Variants in CNTNAP2 observed in about 807,000 individuals in gnomAD.
CNTNAP2 encodes contactin-associated protein-like 2.
A neutral mutation model predicts 155.2 loss-of-function variants in CNTNAP2; 98 were observed. That is an observed-to-expected ratio of 0.63 (90% confidence interval 0.54 to 0.75). CNTNAP2 has a LOEUF of 0.75. CNTNAP2 is among the 30% of genes least tolerant of loss of function. The pLI, the probability that CNTNAP2 is intolerant of heterozygous loss-of-function variation, is 0.00. For missense variants in CNTNAP2, 1,727 were observed against 1,688.1 expected, an observed-to-expected ratio of 1.02 and a Z score of -0.40; for synonymous variants, 651 against 631.2, an observed-to-expected ratio of 1.03 and a Z score of -0.47.
chr7:146,560,639 A>G (rs2129144309), intron 1 of CNTNAP2, among the ~76,000 whole-genome samples: 1 of 152,284 alleles, frequency 6.6e-6, no homozygotes, highest in South Asian at 2.1e-4. Context: ...GAAAGAGATG[A>G]TACTTTTGTG....
chr7:146,480,758 G>T (rs1230015386), intron 1 of CNTNAP2, among the ~76,000 whole-genome samples: 1 of 144,502 alleles, frequency 6.9e-6, no homozygotes, highest in Non-Finnish European at 1.5e-5. Context: ...GTGCGATCTC[G>T]GCTCACCTCC....
At chr7:147,582,078 T>C (rs1331733197) in intron 12 of CNTNAP2, among the ~76,000 whole-genome samples, 2 of 152,112 alleles carry the variant, frequency 1.3e-5, no homozygotes, top group African/African-American at 4.8e-5. Context: ...TTTTAAAGAA[T>C]TTTCATAATA....
intron 9 of CNTNAP2, among the ~76,000 whole-genome samples, chr7:147,392,575 T>C (rs1796738013): frequency 6.6e-6 from 1 of 152,106 alleles, no homozygotes; most frequent in Admixed American, 6.6e-5. Context: ...TTCTCATAGC[T>C]TAACTCCCAC....
intron 9 of CNTNAP2, among the ~76,000 whole-genome samples, chr7:147,336,320 G>A (rs1161731116): frequency 5.3e-5 from 8 of 152,038 alleles, no homozygotes; most frequent in Non-Finnish European, 1.5e-5. Context: ...GAGTTTTGCT[G>A]CTTGATTTCT....
intron 3 of CNTNAP2, among the ~76,000 whole-genome samples, chr7:146,886,395 CAAAG>C (rs1386777814): frequency 6.6e-6 from 1 of 151,718 alleles, no homozygotes; most frequent in African/African-American, 2.4e-5. Context: ...CTAAAACAGA[CAAAG>C]AAAAAAATTG....
chr7:147,112,657 T>A (rs539875465), intron 5 of CNTNAP2, among the ~76,000 whole-genome samples: 3 of 152,374 alleles, frequency 2.0e-5, no homozygotes, highest in African/African-American at 7.2e-5. Context: ...GATCTCTTTG[T>A]GTGATTAATC....
At chr7:146,528,784 A>C (rs186308832) in intron 1 of CNTNAP2, among the ~76,000 whole-genome samples, 6 of 152,280 alleles carry the variant, frequency 3.9e-5, no homozygotes, top group Admixed American at 3.3e-4. Flanking sequence ...TTGTCAACAT[A>C]TGAGAACTGG....
chr7:147,659,012 A>G (rs73744519), intron 13 of CNTNAP2, among the ~76,000 whole-genome samples: 31,905 of 151,934 alleles, frequency 0.21, 6,554 homozygotes, highest in African/African-American at 0.54. Context: ...TGACGATGTA[A>G]GACAACAGAG....
At chr7:148,171,145 A>T (rs114232743) in intron 17 of CNTNAP2, among the ~76,000 whole-genome samples, 120 of 152,324 alleles carry the variant, frequency 7.9e-4, no homozygotes, top group Middle Eastern at 3.4e-3. Context: ...TACAATGGGA[A>T]TAATGCAAAT....
chr7:147,470,953 G>A (rs761071801), intron 10 of CNTNAP2, among the ~76,000 whole-genome samples: 1 of 152,124 alleles, frequency 6.6e-6, no homozygotes, highest in Non-Finnish European at 1.5e-5. Flanking sequence ...AGATTGAGCC[G>A]GCAGCAAAAG....
At chr7:147,659,601 A>G (rs1795582016) in intron 13 of CNTNAP2, among the ~76,000 whole-genome samples, 1 of 152,222 alleles carries the variant, frequency 6.6e-6, no homozygotes, top group South Asian at 2.1e-4. Flanking sequence ...GTAATAATAC[A>G]AAGGAAGATA....
intron 11 of CNTNAP2, among the ~76,000 whole-genome samples, chr7:147,505,973 C>T (rs1289853790): frequency 1.3e-5 from 2 of 152,120 alleles, no homozygotes; most frequent in Non-Finnish European, 2.9e-5. Flanking sequence ...TCTTAAGAAC[C>T]GGCTCAAGCA....
chr7:147,982,383 A>T (rs12537012), intron 15 of CNTNAP2, among the ~76,000 whole-genome samples: 2 of 152,182 alleles, frequency 1.3e-5, no homozygotes, highest in East Asian at 1.9e-4. Context: ...GCTTCTTCCA[A>T]GGCCATGCCA....
At chr7:148,124,555 A>C (rs1585138895) in intron 16 of CNTNAP2, among the ~76,000 whole-genome samples, 1 of 152,180 alleles carries the variant, frequency 6.6e-6, no homozygotes, top group Non-Finnish European at 1.5e-5. Context: ...CTGAGGTGGA[A>C]ACAGGAGAAC....
chr7:146,346,796 C>T (rs575581311), intron 1 of CNTNAP2, among the ~76,000 whole-genome samples: 1 of 152,250 alleles, frequency 6.6e-6, no homozygotes, highest in Admixed American at 6.5e-5. Context: ...AATATTTACC[C>T]TACACCCAAG....
intron 12 of CNTNAP2, among the ~76,000 whole-genome samples, chr7:147,586,715 T>G (rs1458695477): frequency 2.6e-5 from 4 of 152,110 alleles, no homozygotes; most frequent in African/African-American, 9.7e-5. Flanking sequence ...TGGTTGTTCC[T>G]TGCACAAGGG....
intron 13 of CNTNAP2, among the ~76,000 whole-genome samples, chr7:147,771,871 A>G (rs1353098257): frequency 1.3e-5 from 2 of 152,158 alleles, no homozygotes; most frequent in African/African-American, 4.8e-5. Flanking sequence ...ATTATATCAC[A>G]ATATTCTTCT....
At chr7:146,339,891 C>T (rs1219095292) in intron 1 of CNTNAP2, among the ~76,000 whole-genome samples, 1 of 152,060 alleles carries the variant, frequency 6.6e-6, no homozygotes, top group Non-Finnish European at 1.5e-5. Context: ...TGAAATACAG[C>T]GGGGCATGGT....
chr7:147,094,362 C>T (rs1800478489), intron 4 of CNTNAP2, among the ~76,000 whole-genome samples: 1 of 151,780 alleles, frequency 6.6e-6, no homozygotes, highest in Non-Finnish European at 1.5e-5. Flanking sequence ...CCTTAAAGGT[C>T]CATTCAGAAT....
Sources: gnomAD v4.1 joint callset for allele counts (sites outside exome capture counted in the v4.1 genomes callset) on GRCh38, gnomAD v4.1.1 for gene constraint, MANE v1.5 for transcripts, NCBI Gene and HGNC (gene_info 2026-07-23, HGNC 2026-07-21) for gene names.